Variants in RBFOX1 observed in about 807,000 individuals in gnomAD.
The protein encoded by RBFOX1 is RNA binding protein fox-1 homolog 1.
RBFOX1 carries 8 observed loss-of-function variants against 57.7 expected under a neutral mutation model. The ratio of observed to expected loss-of-function variants is 0.14; its 90% CI spans 0.08 to 0.25. The LOEUF (loss-of-function observed/expected upper bound fraction) is 0.25, where lower values mean the gene tolerates loss of function less well. Ranked by LOEUF, RBFOX1 falls within the 10% of genes least tolerant of loss-of-function variation. RBFOX1 has a pLI of 1.00. For missense variants in RBFOX1, 611 were observed against 548.5 expected, an observed-to-expected ratio of 1.11 and a Z score of -1.14; for synonymous variants, 326 against 222.4, an observed-to-expected ratio of 1.47 and a Z score of -4.15.
chr16:7,032,282 C>G (rs1430080373), intron 3 of RBFOX1, among the ~76,000 whole-genome samples: 12 of 151,478 alleles, frequency 7.9e-5, no homozygotes, highest in Admixed American at 1.3e-4. Flanking sequence ...AAAACAAAAA[C>G]AAAACAAAAA....
At chr16:5,966,802 A>C (rs2059852414) in intron 4 of RBFOX1, among the ~76,000 whole-genome samples, 1 of 152,038 alleles carries the variant, frequency 6.6e-6, no homozygotes, top group South Asian at 2.1e-4. Flanking sequence ...ATTTGAGATG[A>C]GATTTGGGTA....
chr16:7,378,828 C>G (rs895199044), intron 4 of RBFOX1, among the ~76,000 whole-genome samples: 1 of 152,162 alleles, frequency 6.6e-6, no homozygotes, highest in South Asian at 2.1e-4. Context: ...ATTCCTCTTG[C>G]AGGGCACAAA....
At chr16:5,556,333 C>A (rs144234281) in intron 2 of RBFOX1, among the ~76,000 whole-genome samples, 1 of 152,142 alleles carries the variant, frequency 6.6e-6, no homozygotes, top group African/African-American at 2.4e-5. Flanking sequence ...TCTGGTGGGG[C>A]CTTGCCTACC....
intron 4 of RBFOX1, among the ~76,000 whole-genome samples, chr16:7,456,982 C>T (rs2150385945): frequency 6.6e-6 from 1 of 152,236 alleles, no homozygotes; most frequent in South Asian, 2.1e-4. Context: ...CCTCTGCCTC[C>T]TGGATCCAAG....
chr16:6,165,541 C>T (rs773829642), intron 1 of RBFOX1, among the ~76,000 whole-genome samples: 9 of 152,168 alleles, frequency 5.9e-5, no homozygotes, highest in Non-Finnish European at 1.2e-4. Flanking sequence ...CTCTGGTGGA[C>T]ATTCATTTTG....
intron 2 of RBFOX1, among the ~76,000 whole-genome samples, chr16:6,456,144 A>C (rs1231278954): frequency 6.6e-6 from 1 of 152,202 alleles, no homozygotes; most frequent in Non-Finnish European, 1.5e-5. Flanking sequence ...GTTTTGATAG[A>C]TGCTGGGGAG....
intron 4 of RBFOX1, among the ~76,000 whole-genome samples, chr16:7,052,640 A>C (rs958859778): frequency 6.6e-6 from 1 of 152,184 alleles, no homozygotes. Context: ...TTAAAAATGA[A>C]ACTGTCTTGG....
At chr16:7,180,867 C>A (rs1031733979) in intron 4 of RBFOX1, among the ~76,000 whole-genome samples, 1 of 152,148 alleles carries the variant, frequency 6.6e-6, no homozygotes, top group African/African-American at 2.4e-5. Context: ...GACATTGCCA[C>A]AAAGTATTTG....
At chr16:6,107,202 C>T (rs1398781014) in intron 1 of RBFOX1, among the ~76,000 whole-genome samples, 3 of 152,102 alleles carry the variant, frequency 2.0e-5, no homozygotes, top group Non-Finnish European at 4.4e-5. Context: ...GGGTCCCCAT[C>T]TGTGGCCTCT....
At chr16:7,283,866 G>A (rs1468879396) in intron 4 of RBFOX1, among the ~76,000 whole-genome samples, 6 of 152,158 alleles carry the variant, frequency 3.9e-5, no homozygotes. Context: ...TGCATACAGT[G>A]ATGTAATAAC....
chr16:7,672,864 T>TAAAAAA lies in RBFOX1; in HGVS notation c.931-3910_931-3909insAAAAAA, dbSNP rs1568390861. Among the ~76,000 whole-genome samples, 6 of 680 alleles carry TAAAAAA rather than the reference T, an allele frequency of 8.8e-3. 1 individual carries two copies. Among genetic ancestry groups the TAAAAAA allele is most frequent in the South Asian group, 0.083 (1 of 12 alleles). The allele number at this position is 680 out of a possible 152,430, so 0.4% of individuals were successfully genotyped here. On this transcript the variant is annotated intron_variant, in intron 13 of 15. Transcript: ENST00000550418. ...CCTGGGTGACAGAGAAGACTCCATCTCAAAAAAAAAAAAAAAAAAAAAAAG... is the reference window on the plus strand; with the variant it reads ...CCTGGGTGACAGAGAAGACTCCATCTAAAAAACAAAAAAAAAAAAAAAAAAAAAAAG...
chr16:5,919,649 T>C (rs1207668313), intron 4 of RBFOX1, among the ~76,000 whole-genome samples: 1 of 152,050 alleles, frequency 6.6e-6, no homozygotes, highest in African/African-American at 2.4e-5. Flanking sequence ...AAGTTAACCA[T>C]TTTAAAGCGT....
intron 3 of RBFOX1, among the ~76,000 whole-genome samples, chr16:5,833,364 A>G (rs534345119): frequency 2.7e-4 from 41 of 152,082 alleles, no homozygotes; most frequent in Non-Finnish European, 5.3e-4. Flanking sequence ...GCATGGTGGC[A>G]GGCACCTGTA....
At chr16:6,075,490 A>G (rs115227263) in intron 1 of RBFOX1, among the ~76,000 whole-genome samples, 93 of 152,354 alleles carry the variant, frequency 6.1e-4, no homozygotes, top group African/African-American at 2.2e-3. Context: ...GCTTTAGAAA[A>G]TATACTGTGT....
intron 4 of RBFOX1, among the ~76,000 whole-genome samples, chr16:7,348,322 G>A (rs1465035727): frequency 1.3e-5 from 2 of 151,910 alleles, no homozygotes; most frequent in Non-Finnish European, 2.9e-5. Flanking sequence ...TACTCTCATC[G>A]TATTCACAAA....
At chr16:7,557,939 A>T (rs147982889) in intron 5 of RBFOX1, among the ~76,000 whole-genome samples, 3 of 152,310 alleles carry the variant, frequency 2.0e-5, no homozygotes, top group Non-Finnish European at 4.4e-5. Flanking sequence ...ACCATCACGC[A>T]GTATTTCCAC....
At chr16:5,695,434 G>T (rs1325393757) in intron 3 of RBFOX1, among the ~76,000 whole-genome samples, 1 of 152,178 alleles carries the variant, frequency 6.6e-6, no homozygotes, top group South Asian at 2.1e-4. Context: ...CCACTCTTTT[G>T]TAGGTCCTAA....
intron 4 of RBFOX1, among the ~76,000 whole-genome samples, chr16:5,893,839 T>C (rs575316286): frequency 1.3e-5 from 2 of 151,814 alleles, no homozygotes; most frequent in South Asian, 4.2e-4. Flanking sequence ...CCCATAAATA[T>C]ATGCACCTGC....
intron 1 of RBFOX1, among the ~76,000 whole-genome samples, chr16:5,331,199 A>T (rs535145733): frequency 3.9e-5 from 6 of 152,282 alleles, no homozygotes; most frequent in African/African-American, 1.4e-4. Flanking sequence ...TTGGTTATTT[A>T]ATCTGTTTGG....
Sources: gnomAD v4.1 joint callset for allele counts (sites outside exome capture counted in the v4.1 genomes callset) on GRCh38, gnomAD v4.1.1 for gene constraint, MANE v1.5 for transcripts, NCBI Gene and HGNC (gene_info 2026-07-23, HGNC 2026-07-21) for gene names.